Variants in ACSBG2 observed in about 807,000 individuals in gnomAD.
The protein encoded by ACSBG2 is long-chain-fatty-acid--CoA ligase ACSBG2.
Under a neutral mutation model 74.7 loss-of-function variants are expected in ACSBG2, and 62 were observed. That is an observed-to-expected ratio of 0.83 (90% CI 0.68 to 1.03). The LOEUF is 1.03. ACSBG2 is among the 50% of genes least tolerant of loss of function. ACSBG2 has a pLI of 0.00. For synonymous variants in ACSBG2, 309 were observed against 294.1 expected (o/e 1.05, Z -0.52); for missense variants, 730 against 817.6 (o/e 0.89, Z 1.31).
intron 14 of ACSBG2, 89 bp downstream of exon 14, chr19:6,190,781 A>T: frequency 3.4e-5 from 21 of 623,490 alleles, no homozygotes; most frequent in East Asian, 1.0e-4. Flanking sequence ...TGTGACTGGA[A>T]CTGCAGAAAA....
In ACSBG2 at chr19:6,190,583, G is replaced by C; in HGVS notation, c.1928-1G>C. ...TCAATTGATTTCTCCTTTCTCGATA[G>C]GTCCAATGATGAAACTTAAGAGACA... is the stretch of plus-strand genomic sequence containing the variant. On this transcript the variant is annotated splice_acceptor_variant, in intron 13 of 14. Transcript: ENST00000588485. LOFTEE classifies it high-confidence loss of function. 1 of 1,613,364 alleles carries C rather than the reference G, an allele frequency of 6.2e-7. No individual in the cohort carries two copies. Among genetic ancestry groups the C allele is most frequent in the South Asian group, 1.1e-5 (1 of 91,046 alleles).
rs1247610566 is a variant in ACSBG2, at chr19:6,152,445, C to T, written c.386+650C>T. ...AGCTGGGACTACAGGCGCCCGCCACCGCGCCCGGCTAATTTTTTGTATTTT... is the reference window on the plus strand; with the variant it reads ...AGCTGGGACTACAGGCGCCCGCCACTGCGCCCGGCTAATTTTTTGTATTTT... On this transcript the variant is annotated intron_variant, in intron 4 of 14. Transcript: ENST00000588485. Among the ~76,000 whole-genome samples the T allele has an allele frequency of 8.0e-5, 6 of 75,450 alleles. 2 individuals are homozygous for T. The highest frequency in any genetic ancestry group is 2.0e-4 in the African/African-American group (5 of 25,506). 49.5% of individuals were successfully genotyped at this position (75,450 alleles called of 152,430 possible).
intron 5 of ACSBG2, among the ~76,000 whole-genome samples, chr19:6,158,156 C>G (rs543757234): frequency 6.6e-6 from 1 of 151,204 alleles, no homozygotes; most frequent in African/African-American, 2.4e-5. Context: ...CCCAGGTTCA[C>G]GTCATTCTCC....
intron 4 of ACSBG2, 127 bp downstream of exon 4, chr19:6,151,922 A>G: frequency 1.3e-6 from 1 of 776,098 alleles, no homozygotes; most frequent in East Asian, 2.7e-5. Flanking sequence ...AGCAGGCAGG[A>G]TAGATGCACG....
chr19:6,146,987 G>A (rs2089057065), intron 2 of ACSBG2, among the ~76,000 whole-genome samples: 1 of 152,062 alleles, frequency 6.6e-6, no homozygotes, highest in African/African-American at 2.4e-5. Context: ...TGTAGTTCCA[G>A]TTATTTGGGA....
chr19:6,145,248 T>C (rs1411591160), intron 2 of ACSBG2, among the ~76,000 whole-genome samples: 1 of 151,904 alleles, frequency 6.6e-6, no homozygotes, highest in Non-Finnish European at 1.5e-5. Context: ...ATACAAAAAT[T>C]AGCTGGGTGT....
chr19:6,154,490 A>G (rs2089353679), intron 4 of ACSBG2, among the ~76,000 whole-genome samples: 2 of 147,638 alleles, frequency 1.4e-5, no homozygotes. Flanking sequence ...TATATAATAC[A>G]TATAATAATA....
In ACSBG2 at chr19:6,184,282, T is replaced by C. The variant is rs571715036; in HGVS notation, c.1322+1010T>C. On this transcript the variant is annotated intron_variant, in intron 10 of 14. Transcript: ENST00000588485. ...AAATATTTTATCCCCTGGCTTGTCA[T>C]TGGTATTTTGATTTTAGTTAAGATG... 6.1e-3 allele frequency among the ~76,000 whole-genome samples: 926 copies of C among 152,252 alleles called. 3 individuals carry two copies. Among genetic ancestry groups the C allele is most frequent in the African/African-American group, 0.021 (885 of 41,540 alleles).
rs192668191 is a variant in ACSBG2, at chr19:6,162,428, G to A, written c.588+1133G>A. On this transcript the variant is annotated intron_variant, in intron 6 of 14. Coordinates refer to ENST00000588485, the MANE Select transcript of ACSBG2 (RefSeq NM_030924.5). ...GAAAATACAAAAAAATTATCCAGGC[G>A]TGGTGGTGGGCGCCTGTAGTCCCAG... Among the ~76,000 whole-genome samples the A allele has an allele frequency of 6.4e-3, 957 of 149,904 alleles. 3 individuals carry two copies. The highest frequency in any genetic ancestry group is 0.024 in the South Asian group (114 of 4,714).
At chr19:6,144,924 G>A (rs2088973338) in intron 2 of ACSBG2, among the ~76,000 whole-genome samples, 1 of 152,126 alleles carries the variant, frequency 6.6e-6, no homozygotes, top group African/African-American at 2.4e-5. Flanking sequence ...TCGAACTCCT[G>A]ACCTCAAGTG....
At chr19:6,160,576 G>A (rs890965872) in intron 5 of ACSBG2, 2 of 152,134 alleles carry the variant, frequency 1.3e-5, no homozygotes, top group African/African-American at 4.8e-5. Context: ...CAAAGTCCTG[G>A]AAAAGGAAGA....
intron 2 of ACSBG2, among the ~76,000 whole-genome samples, chr19:6,146,657 C>T (rs1000967022): frequency 6.6e-6 from 1 of 151,926 alleles, no homozygotes; most frequent in East Asian, 1.9e-4. Flanking sequence ...CCCAGCTACT[C>T]GGGAGGCTGA....
At chr19:6,149,638 C>T (rs889174379) in intron 3 of ACSBG2, among the ~76,000 whole-genome samples, 6 of 151,992 alleles carry the variant, frequency 3.9e-5, no homozygotes, top group African/African-American at 1.5e-4. Flanking sequence ...TCCCAAGTAG[C>T]TGGGACTACA....
At chr19:6,177,638 G>A (rs2090122869) in intron 8 of ACSBG2, among the ~76,000 whole-genome samples, 1 of 152,128 alleles carries the variant, frequency 6.6e-6, no homozygotes, top group South Asian at 2.1e-4. Context: ...CTCAGGAGTT[G>A]AGACCAGCCT....
Position 6,165,981 on chromosome 19 carries a change from G to A in ACSBG2, c.704G>A (p.Gly235Asp). 6.8e-6 allele frequency: 11 copies of A among 1,614,090 alleles called. No homozygotes were observed. Among genetic ancestry groups the A allele is most frequent in the Non-Finnish European group, 8.5e-6 (10 of 1,179,974 alleles). Residue 235 changes from glycine (G) to aspartate (D), a missense_variant, in exon 7 of 15, where the codon GGC becomes GAC. Physicochemically the swap from Gly to Asp is moderately conservative, Grantham distance 94. Transcript: ENST00000588485. ...CTCATCTACACTTCAGGGACCACAGGCATACCCAAGGGAGTGATGCTCAGT... is the reference window on the plus strand; with the variant it reads ...CTCATCTACACTTCAGGGACCACAGACATACCCAAGGGAGTGATGCTCAGT... ...AVLIYTSGTT[G>D]IPKGVMLSHD... is the part of the protein sequence containing the mutation.
chr19:6,168,744 T>C (rs985045469), intron 7 of ACSBG2, among the ~76,000 whole-genome samples: 1 of 151,624 alleles, frequency 6.6e-6, no homozygotes, highest in Non-Finnish European at 1.5e-5. Flanking sequence ...TTTTTTCTTA[T>C]TAAGTTCCTT....
chr19:6,149,989 A>G (rs2089178584), intron 3 of ACSBG2, among the ~76,000 whole-genome samples: 2 of 151,556 alleles, frequency 1.3e-5, no homozygotes, highest in Non-Finnish European at 2.9e-5. Context: ...AGTCCCAGCT[A>G]CTCGGGAGGG....
chr19:6,165,934 G>A lies in ACSBG2; in HGVS notation c.657G>A (p.Gln219=). 2 of 1,613,990 alleles carry A rather than the reference G, an allele frequency of 1.2e-6. No homozygotes were observed. The highest frequency in any genetic ancestry group is 1.7e-6 in the Non-Finnish European group (2 of 1,179,970). ...AACTGGAGCAGGTCATCGAGAGCCAGAAGGCGAATCAATGCGCAGTGCTCA... is the reference window on the plus strand; with the variant it reads ...AACTGGAGCAGGTCATCGAGAGCCAAAAGGCGAATCAATGCGCAGTGCTCA... ...DTQLEQVIES[Q]KANQCAVLIY... is the part of the protein sequence containing the mutation. The change falls in exon 7 of 15, where the codon CAG becomes CAA. Residue 219 remains glutamine (Q), a synonymous_variant. Coordinates refer to ENST00000588485, the MANE Select transcript of ACSBG2 (RefSeq NM_030924.5).
At chr19:6,161,339 C>A in intron 6 of ACSBG2, 44 bp downstream of exon 6, 1 of 1,583,666 alleles carries the variant, frequency 6.3e-7, no homozygotes, top group East Asian at 2.2e-5. Context: ...AGGGCGGGGC[C>A]TTGCAAGAAA....
Sources: allele counts gnomAD v4.1 joint callset (sites outside exome capture counted in the v4.1 genomes callset), GRCh38; gene constraint gnomAD v4.1.1; transcripts MANE v1.5; gene names NCBI Gene and HGNC (gene_info 2026-07-23, HGNC 2026-07-21).